The following SNX13 variants were observed in gnomAD, a reference collection of about 807,000 sequenced individuals.
SNX13 encodes sorting nexin-13.
A neutral mutation model predicts 133.6 loss-of-function variants in SNX13; 45 were observed. The observed-to-expected ratio is 0.34, with a 90% confidence interval of 0.27 to 0.43. SNX13 has a LOEUF of 0.43. Among genes scored for constraint, SNX13 ranks in the 20% least tolerant of loss-of-function variants. The pLI is 1.00. For synonymous variants in SNX13, 414 were observed against 373.9 expected (o/e 1.11, Z -1.24); for missense variants, 1,032 against 1,145.1 (o/e 0.90, Z 1.43).
chr7:17,814,952 G>GAAAAAAAAAA lies in SNX13; in HGVS notation c.1954-18_1954-9dup, dbSNP rs34649849. ...TTCAGGAGCTAACAGTAACTAACAA[G>GAAAAAAAAAA]AAAAAAAAAAAAAAGAAGAGATTAT... is the stretch of plus-strand genomic sequence containing the variant. On this transcript the variant is annotated splice_polypyrimidine_tract_variant and intron_variant, in intron 19 of 25. Coordinates refer to ENST00000428135, the MANE Select transcript of SNX13 (RefSeq NM_015132.5). 2 of 1,223,264 alleles carry GAAAAAAAAAA rather than the reference G, an allele frequency of 1.6e-6. No homozygotes were observed. The highest frequency in any genetic ancestry group is 2.1e-6 in the Non-Finnish European group (2 of 959,364). The allele number at this position is 1,223,264 out of a possible 1,614,324, so 75.8% of individuals were successfully genotyped here.
intron 15 of SNX13, chr7:17,830,720 T>G: frequency 6.2e-6 from 6 of 974,672 alleles, no homozygotes; most frequent in Non-Finnish European, 7.3e-6. Flanking sequence ...TAGAGTTCTA[T>G]TATAAATCTA....
intron 20 of SNX13, among the ~76,000 whole-genome samples, chr7:17,804,773 A>C (rs763359944): frequency 1.3e-5 from 2 of 152,178 alleles, no homozygotes; most frequent in Non-Finnish European, 2.9e-5. Flanking sequence ...AAAAGCTACC[A>C]GTGAAAACAA....
At chr7:17,890,569 T>C in intron 4 of SNX13, 85 bp from the exon 5 acceptor site, 1 of 950,488 alleles carries the variant, frequency 1.1e-6, no homozygotes, top group Non-Finnish European at 1.5e-6. Flanking sequence ...ATGCTGTATC[T>C]ACCAATTTAT....
At chr7:17,807,923 A>G (rs192741498) in intron 20 of SNX13, among the ~76,000 whole-genome samples, 34 of 152,332 alleles carry the variant, frequency 2.2e-4, no homozygotes, top group African/African-American at 7.5e-4. Context: ...ATCAACAAAA[A>G]GGACATCCAC....
chr7:17,836,841 T>A (rs1272070880), intron 13 of SNX13, among the ~76,000 whole-genome samples: 1 of 152,088 alleles, frequency 6.6e-6, no homozygotes, highest in East Asian at 1.9e-4. Context: ...AAGACAAATG[T>A]ACATAAAAGC....
At chr7:17,918,435 G>GA (rs71010279) in intron 1 of SNX13, among the ~76,000 whole-genome samples, 16 of 146,400 alleles carry the variant, frequency 1.1e-4, no homozygotes, top group Admixed American at 2.7e-4. Flanking sequence ...GAATCAACAA[G>GA]AAAAAAAAAA....
chr7:17,859,101 TTCA>T (rs1480695398), intron 9 of SNX13, among the ~76,000 whole-genome samples: 2 of 152,050 alleles, frequency 1.3e-5, no homozygotes, highest in African/African-American at 4.8e-5. Context: ...GAAATTACGT[TTCA>T]TCAAAACTTT....
intron 1 of SNX13, among the ~76,000 whole-genome samples, chr7:17,933,376 T>C (rs1801632419): frequency 6.6e-6 from 1 of 152,116 alleles, no homozygotes; most frequent in Non-Finnish European, 1.5e-5. Context: ...ACCCCGTCTC[T>C]ACTAAAAACA....
intron 1 of SNX13, among the ~76,000 whole-genome samples, chr7:17,937,015 T>TA (rs1363988821): frequency 7.9e-5 from 5 of 63,088 alleles, no homozygotes; most frequent in South Asian, 3.6e-4. Flanking sequence ...AAAAATAAAA[T>TA]AAAATAAAAA....
intron 3 of SNX13, among the ~76,000 whole-genome samples, chr7:17,892,556 T>G (rs1583653829): frequency 6.6e-6 from 1 of 151,720 alleles, no homozygotes. Flanking sequence ...AGGTTTCAGA[T>G]TATAAAAAAG....
Position 17,875,484 on chromosome 7 carries a change from T to C in SNX13, c.660A>G (p.Glu220=), listed in dbSNP as rs1204259877. 6.2e-7 allele frequency: 1 copy of C among 1,604,560 alleles called. No homozygotes were observed. Among genetic ancestry groups the C allele is most frequent in the African/African-American group, 1.4e-5 (1 of 73,350 alleles). ...AAAGTTAAATTAAAAGAAAACCTTC[T>C]TCATCTTTGGGGGAAGTGCACACTA... ...RDLVCTSPKD[E]EGFLRDLCEV... Residue 220 remains glutamate, a synonymous_variant, in exon 7 of 26, where the codon GAA becomes GAG. Transcript: ENST00000428135.
In SNX13 at chr7:17,791,353, C is replaced by G. The variant is rs1783516581; in HGVS notation, c.*2692G>C. 6.7e-6 allele frequency: 1 copy of G among 149,988 alleles called. No individual in the cohort carries two copies. 9.3% of individuals were successfully genotyped at this position (149,988 alleles called of 1,614,324 possible). A position where few individuals can be genotyped will look rare whatever the true frequency, so the allele number is the denominator to read the frequency against. On this transcript the variant is annotated 3_prime_UTR_variant, in exon 26 of 26. Coordinates refer to ENST00000428135, the MANE Select transcript of SNX13 (RefSeq NM_015132.5). ...ACCAGCAGCACAAACTTAAAATGAACAAACTGAAATATTCAAGAAAGTTTT... is the reference window on the plus strand; with the variant it reads ...ACCAGCAGCACAAACTTAAAATGAAGAAACTGAAATATTCAAGAAAGTTTT...
intron 20 of SNX13, among the ~76,000 whole-genome samples, chr7:17,805,875 G>C (rs960756505): frequency 2.6e-5 from 4 of 152,112 alleles, no homozygotes; most frequent in African/African-American, 9.7e-5. Flanking sequence ...GGAGGGAAGT[G>C]GGGTAAGAAG....
intron 19 of SNX13, 128 bp downstream of exon 19, chr7:17,816,054 G>A (rs567142529): frequency 3.1e-6 from 3 of 962,378 alleles, no homozygotes; most frequent in East Asian, 2.9e-5. Context: ...TTGACATGCT[G>A]CACAAAAGTG....
rs1160002141 is a variant in SNX13, at chr7:17,816,258, G to A, written c.1877C>T (p.Pro626Leu). ...FESLSSILKL[P>L]GKKTFNNMDR... ...CATATTATTAAAAGTCTTTTTTCCA[G>A]GAAGTTTCAATATGCTTGAGAGACT... The change falls in exon 19 of 26, where the codon CCT becomes CTT. Residue 626 changes from proline to leucine, a missense_variant. Coordinates refer to ENST00000428135, the MANE Select transcript of SNX13 (RefSeq NM_015132.5). The A allele has an allele frequency of 3.9e-6, 6 of 1,542,340 alleles. No individual in the cohort carries two copies. Among genetic ancestry groups the A allele is most frequent in the Non-Finnish European group, 3.5e-6 (4 of 1,142,350 alleles).
chr7:17,807,600 A>G (rs1331056497), intron 20 of SNX13, among the ~76,000 whole-genome samples: 2 of 152,234 alleles, frequency 1.3e-5, no homozygotes, highest in Admixed American at 1.3e-4. Context: ...CTCCCAGCAC[A>G]GCGATCGAGC....
intron 22 of SNX13, among the ~76,000 whole-genome samples, chr7:17,800,733 T>C (rs1272699119): frequency 6.6e-6 from 1 of 151,542 alleles, no homozygotes; most frequent in East Asian, 1.9e-4. Context: ...CTAAGACAGC[T>C]AAGCCAACAG....
chr7:17,870,204 A>G (rs563108427), intron 8 of SNX13, among the ~76,000 whole-genome samples: 117 of 152,310 alleles, frequency 7.7e-4, no homozygotes, highest in African/African-American at 2.7e-3. Flanking sequence ...CATTGAAGCC[A>G]TATCTTTAAA....
Position 17,834,056 on chromosome 7 carries a change from A to G in SNX13, c.1593T>C (p.Asp531=), listed in dbSNP as rs1315255223. Residue 531 remains aspartate (D), a synonymous_variant, in exon 15 of 26, where the codon GAT becomes GAC. Transcript: ENST00000428135. Reference sequence around the variant, plus strand: ...GTAAAATGGGTGCCACCTTACCTCCATCCCCATCATCGGATCCTCTGAAAC... The same window carrying G: ...GTAAAATGGGTGCCACCTTACCTCCGTCCCCATCATCGGATCCTCTGAAAC... ...DPSFRGSDDG[D]GESFNGSPTG... The G allele has an allele frequency of 2.6e-6, 4 of 1,560,904 alleles. No individual in the cohort carries two copies. Among genetic ancestry groups the G allele is most frequent in the Non-Finnish European group, 3.5e-6 (4 of 1,147,862 alleles).
Sources: allele counts gnomAD v4.1 joint callset (sites outside exome capture counted in the v4.1 genomes callset), GRCh38; gene constraint gnomAD v4.1.1; transcripts MANE v1.5; gene names NCBI Gene and HGNC (gene_info 2026-07-23, HGNC 2026-07-21).